Variants in ANXA8 observed in about 807,000 individuals in gnomAD.
ANXA8 encodes the protein annexin A8, also known as VAC-beta.
In ANXA8, 9 loss-of-function variants were observed where a neutral mutation model predicts 26.8. The observed-to-expected ratio is 0.34, with a 90% CI of 0.20 to 0.59. The LOEUF is 0.59. ANXA8 is among the 20% of genes least tolerant of loss of function. ANXA8 has a pLI of 0.84. For missense variants in ANXA8, 83 were observed against 238.5 expected (o/e 0.35, Z 4.29); for synonymous variants, 39 against 94.8 (o/e 0.41, Z 3.42).
At chr10:47,510,764 A>G in the ANXA8 span, among the ~76,000 whole-genome samples, 2 of 108,640 alleles carry the variant, frequency 1.8e-5, 1 homozygote, top group Non-Finnish European at 3.5e-5. Context: ...CAGGAGGCAG[A>G]GCTTGCAGTG....
chr10:47,560,776 G>A, the ANXA8 span, among the ~76,000 whole-genome samples: 3 of 151,988 alleles, frequency 2.0e-5, no homozygotes, highest in Non-Finnish European at 4.4e-5. Context: ...TTACTTAGAA[G>A]CATTTTGAAT....
the ANXA8 span, among the ~76,000 whole-genome samples, chr10:47,722,719 C>G: frequency 1.4e-5 from 2 of 141,758 alleles, 1 homozygote; most frequent in Non-Finnish European, 3.1e-5. Flanking sequence ...GACCTAGACT[C>G]AGAAGTCATG....
At chr10:47,945,284 A>G in the ANXA8 span, among the ~76,000 whole-genome samples, 3 of 149,944 alleles carry the variant, frequency 2.0e-5, no homozygotes, top group African/African-American at 5.0e-5. Flanking sequence ...CAGTGCCAGC[A>G]CAGAGAGTGG....
At chr10:47,896,652 G>A in the ANXA8 span, among the ~76,000 whole-genome samples, 5 of 151,096 alleles carry the variant, frequency 3.3e-5, no homozygotes, top group Admixed American at 6.6e-5. Context: ...TGTGAAGGTA[G>A]CCCCAGAAGC....
the ANXA8 span, chr10:47,564,440 CA>C: frequency 8.1e-7 from 1 of 1,238,228 alleles, no homozygotes; most frequent in Non-Finnish European, 1.1e-6. Context: ...TGCAGAAGGG[CA>C]AGGTGACCAT....
the ANXA8 span, among the ~76,000 whole-genome samples, chr10:47,935,680 C>A: frequency 1.4e-5 from 2 of 141,780 alleles, no homozygotes; most frequent in African/African-American, 5.2e-5. Context: ...AGCTTTATAT[C>A]ACAGTGAATT....
chr10:47,560,567 G>A, the ANXA8 span, among the ~76,000 whole-genome samples: 1 of 151,822 alleles, frequency 6.6e-6, no homozygotes, highest in Admixed American at 6.6e-5. Flanking sequence ...AGTGGTAACA[G>A]TTGAGATTTG....
At chr10:47,672,660 G>C in the ANXA8 span, among the ~76,000 whole-genome samples, 2 of 151,944 alleles carry the variant, frequency 1.3e-5, no homozygotes, top group African/African-American at 4.8e-5. Flanking sequence ...AAGAAGAGTA[G>C]AGCAGGATGA....
chr10:47,949,121 TACAC>T, the ANXA8 span, among the ~76,000 whole-genome samples: 7 of 13,568 alleles, frequency 5.2e-4, 2 homozygotes, highest in Middle Eastern at 0.016. Flanking sequence ...GCCAATTCCT[TACAC>T]ACACACACAC....
the ANXA8 span, among the ~76,000 whole-genome samples, chr10:47,580,755 A>AAAC: frequency 9.4e-5 from 6 of 63,782 alleles, no homozygotes; most frequent in African/African-American, 3.1e-4. Flanking sequence ...AAACAAAACA[A>AAAC]AAAAAAAAAA....
the ANXA8 span, among the ~76,000 whole-genome samples, chr10:47,536,551 A>G: frequency 1.6e-5 from 2 of 126,548 alleles, 1 homozygote; most frequent in Non-Finnish European, 3.1e-5. Flanking sequence ...CTAGTAATAT[A>G]TAAATATATA....
At chr10:47,594,854 C>A in the ANXA8 span, among the ~76,000 whole-genome samples, 1 of 148,672 alleles carries the variant, frequency 6.7e-6, no homozygotes, top group Non-Finnish European at 1.5e-5. Context: ...GGAAAAAATT[C>A]AAGAAAATAT....
At chr10:47,932,366 G>C in the ANXA8 span, among the ~76,000 whole-genome samples, 2 of 150,964 alleles carry the variant, frequency 1.3e-5, 1 homozygote, top group Non-Finnish European at 3.0e-5. Context: ...CAGTAACTGG[G>C]GGAAAATCCC....
the ANXA8 span, among the ~76,000 whole-genome samples, chr10:47,562,298 T>C: frequency 1.4e-5 from 2 of 145,958 alleles, no homozygotes; most frequent in Admixed American, 6.9e-5. Context: ...AGATATTGTA[T>C]ATTTTCTATC....
chr10:47,535,098 C>T, the ANXA8 span, among the ~76,000 whole-genome samples: 3 of 122,832 alleles, frequency 2.4e-5, 1 homozygote, highest in African/African-American at 7.5e-5. Flanking sequence ...ACTCAGTCTC[C>T]CGGGTAGCTA....
the ANXA8 span, among the ~76,000 whole-genome samples, chr10:47,633,513 T>G: frequency 1.1e-5 from 1 of 87,474 alleles, no homozygotes; most frequent in Non-Finnish European, 2.1e-5. Flanking sequence ...CCATGAACAC[T>G]CCAACCCTAG....
chr10:47,670,326 T>C, the ANXA8 span, among the ~76,000 whole-genome samples: 1 of 151,938 alleles, frequency 6.6e-6, no homozygotes. Context: ...TGAACACTGA[T>C]GTACAATTTT....
the ANXA8 span, among the ~76,000 whole-genome samples, chr10:47,560,747 T>C: frequency 6.6e-6 from 1 of 152,076 alleles, no homozygotes; most frequent in African/African-American, 2.4e-5. Context: ...TTAGTGTAGT[T>C]ATCATTAAAT....
At chr10:47,944,517 T>C in the ANXA8 span, among the ~76,000 whole-genome samples, 1 of 150,466 alleles carries the variant, frequency 6.6e-6, no homozygotes, top group African/African-American at 2.5e-5. Context: ...AAATGTCATC[T>C]TGAATGATAG....
Sources: allele counts gnomAD v4.1 joint callset (sites outside exome capture counted in the v4.1 genomes callset), GRCh38; gene constraint gnomAD v4.1.1; transcripts MANE v1.5; gene names NCBI Gene and HGNC (gene_info 2026-07-23, HGNC 2026-07-21).